The following ALDH3A2 variants were observed in gnomAD, a reference collection of about 807,000 sequenced individuals.
ALDH3A2 encodes aldehyde dehydrogenase 3 family member A2, also known as aldehyde dehydrogenase family 3 member A2.
A neutral mutation model predicts 51.3 loss-of-function variants in ALDH3A2; 36 were observed. The ratio of observed to expected loss-of-function variants is 0.70; its 90% CI spans 0.54 to 0.93. The LOEUF (loss-of-function observed/expected upper bound fraction) is 0.93, where lower values mean the gene tolerates loss of function less well. Among genes scored for constraint, ALDH3A2 ranks in the 40% least tolerant of loss-of-function variants. The probability of loss-of-function intolerance (pLI) is 0.00; values close to 1 mark genes in which losing one functional copy is unlikely to be tolerated. For synonymous variants in ALDH3A2, 199 were observed against 219.8 expected (o/e 0.91, Z 0.84); for missense variants, 552 against 603.1 (o/e 0.92, Z 0.89).
rs141112437 is a variant in ALDH3A2 at position 19,671,925 on chromosome 17, T to C, written c.1412T>C (p.Phe471Ser). The C allele has an allele frequency of 9.7e-5, 156 of 1,614,060 alleles. No individual in the cohort carries two copies. In the Middle Eastern group the frequency reaches 1.6e-3, roughly 17 times the overall value. The change falls in exon 9 of 10, where the codon TTC becomes TCC. Residue 471 changes from phenylalanine (F) to serine (S), a missense_variant. Coordinates refer to ENST00000176643, the MANE Select transcript of ALDH3A2 (RefSeq NM_000382.3). ...KEKLGLLLLT[F>S]LGIVAAVLVK... is the part of the protein sequence containing the mutation. ...AAACTCGGTCTCCTGTTGCTCACTTTCCTGGGTATTGTAGCCGCTGTGCTT... is the reference window on the plus strand; with the variant it reads ...AAACTCGGTCTCCTGTTGCTCACTTCCCTGGGTATTGTAGCCGCTGTGCTT...
Position 19,654,306 on chromosome 17 carries a change from G to A in ALDH3A2, c.471+1674G>A, listed in dbSNP as rs575850268. Among the ~76,000 whole-genome samples, 90 of 152,362 alleles carry A rather than the reference G, an allele frequency of 5.9e-4. No homozygotes were observed. The highest frequency in any genetic ancestry group is 3.4e-3 in the Middle Eastern group (1 of 294). ...GAGCTGCCCATCAGTCCAGCGCTGC[G>A]CGCCTGCACCCCTCAGCCCTTGGGC... On this transcript the variant is annotated intron_variant, in intron 3 of 9. Transcript: ENST00000176643. The surrounding 1 kb of genome is among the most constrained non-coding windows in gnomAD (Gnocchi z 4.5).
intron 8 of ALDH3A2, among the ~76,000 whole-genome samples, chr17:19,669,676 C>A (rs2085085950): frequency 6.6e-6 from 1 of 151,996 alleles, no homozygotes; most frequent in Admixed American, 6.6e-5. Flanking sequence ...ACTCTGTCAC[C>A]CAAGCCAGAG....
At chr17:19,669,585 T>C (rs1157438554) in intron 8 of ALDH3A2, among the ~76,000 whole-genome samples, 3 of 152,182 alleles carry the variant, frequency 2.0e-5, no homozygotes, top group Non-Finnish European at 4.4e-5. Flanking sequence ...TGACATTTAG[T>C]AAGTGCTTAT....
chr17:19,673,338 G>T (rs891338556), intron 9 of ALDH3A2: 7 of 1,508,180 alleles, frequency 4.6e-6, no homozygotes, highest in Non-Finnish European at 6.2e-6. Flanking sequence ...GTTTTCAAGG[G>T]TTTTTTGGTT....
intron 9 of ALDH3A2, chr17:19,674,161 T>C (rs115587787): frequency 0.013 from 1,926 of 152,356 alleles, 22 homozygotes; most frequent in African/African-American, 0.026. Context: ...ATTTAGGGGC[T>C]ACTTTCTTTG....
chr17:19,663,261 G>A, intron 6 of ALDH3A2, 72 bp from the exon 7 acceptor site: 1 of 1,550,744 alleles, frequency 6.4e-7, no homozygotes, highest in Non-Finnish European at 8.9e-7. Flanking sequence ...GTGACCCAAT[G>A]AAAGAGATGT....
At chr17:19,668,310 C>T (rs956104248) in intron 8 of ALDH3A2, among the ~76,000 whole-genome samples, 17 of 152,040 alleles carry the variant, frequency 1.1e-4, no homozygotes, top group African/African-American at 2.7e-4. Flanking sequence ...TGCAATGGCG[C>T]GACCTCGGTT....
intron 8 of ALDH3A2, 53 bp from the exon 9 acceptor site, chr17:19,671,668 G>A (rs1206980124): frequency 3.3e-6 from 5 of 1,495,844 alleles, no homozygotes; most frequent in East Asian, 4.5e-5. Flanking sequence ...TTAGACAGAA[G>A]TAGCTTGCAT....
chr17:19,648,613 C>A, upstream of ALDH3A2: 1 of 323,814 alleles, frequency 3.1e-6, no homozygotes, highest in Non-Finnish European at 5.8e-6. Flanking sequence ...TCGGCTCCCG[C>A]ACTGCTCACT....
rs1417648706 is a variant in ALDH3A2 at position 19,658,325 on chromosome 17, A to G, written c.798+463A>G. ...ACAGTATACCCTTTATATAATTAAC[A>G]ATCTTTCAGCGTGTTTAAAGTAAAT... On this transcript the variant is annotated intron_variant, in intron 5 of 9. Transcript: ENST00000176643. Among the ~76,000 whole-genome samples the G allele has an allele frequency of 3.3e-5, 5 of 152,314 alleles. No homozygotes were observed. In the East Asian group the frequency reaches 9.6e-4, roughly 29 times the overall value.
In ALDH3A2 at chr17:19,654,858, G is replaced by GCTCTCAC. The variant is rs1296685309; in HGVS notation, c.472-1499_472-1493dup. The stretch of plus-strand genomic sequence containing the variant: ...GAGAGCGAGCAAGGGTTGCCCGCAC[G>GCTCTCAC]CTCTCACCTCTCACCCAGCCTATAA... On this transcript the variant is annotated intron_variant, in intron 3 of 9. Coordinates refer to ENST00000176643, the MANE Select transcript of ALDH3A2 (RefSeq NM_000382.3). The surrounding 1 kb of genome is among the most constrained non-coding windows in gnomAD (Gnocchi z 4.5). 6.6e-6 allele frequency among the ~76,000 whole-genome samples: 1 copy of GCTCTCAC among 152,094 alleles called. No homozygotes were observed. Among genetic ancestry groups the GCTCTCAC allele is most frequent in the East Asian group, 1.9e-4 (1 of 5,164 alleles).
chr17:19,652,955 G>A (rs923457670), intron 3 of ALDH3A2, among the ~76,000 whole-genome samples: 1 of 152,076 alleles, frequency 6.6e-6, no homozygotes, highest in Non-Finnish European at 1.5e-5. Flanking sequence ...TTTAATGAGG[G>A]ACTGGTACTG....
intron 3 of ALDH3A2, 163 bp downstream of exon 3, chr17:19,652,795 G>C: frequency 1.5e-6 from 1 of 663,906 alleles, no homozygotes; most frequent in South Asian, 1.7e-5. Flanking sequence ...AAAATACACG[G>C]AGTGTATTTT....
At chr17:19,650,657 G>T (rs1243047877) in intron 1 of ALDH3A2, among the ~76,000 whole-genome samples, 1 of 151,780 alleles carries the variant, frequency 6.6e-6, no homozygotes, top group African/African-American at 2.4e-5. Context: ...GTTTCACTGT[G>T]TTAGCCAGGA....
chr17:19,667,603 A>C (rs1490926457), intron 8 of ALDH3A2, among the ~76,000 whole-genome samples: 1 of 151,914 alleles, frequency 6.6e-6, no homozygotes, highest in Non-Finnish European at 1.5e-5. Context: ...CTGTCACCTA[A>C]GCTGGAGTGC....
chr17:19,665,602 G>C (rs916496504), intron 8 of ALDH3A2, among the ~76,000 whole-genome samples: 4 of 152,140 alleles, frequency 2.6e-5, no homozygotes, highest in African/African-American at 7.2e-5. Context: ...CTGTTCTAGA[G>C]AGGATGGGCA....
intron 9 of ALDH3A2, among the ~76,000 whole-genome samples, 194 bp downstream of exon 9, chr17:19,672,150 C>T (rs1423014909): frequency 6.6e-6 from 1 of 152,178 alleles, no homozygotes; most frequent in Non-Finnish European, 1.5e-5. Context: ...TTTAATCATC[C>T]ACAGCTGCTT....
At chr17:19,656,174 C>T (rs1202418372) in intron 3 of ALDH3A2, 192 bp from the exon 4 acceptor site, 28 of 635,060 alleles carry the variant, frequency 4.4e-5, no homozygotes, top group Middle Eastern at 4.2e-4. Flanking sequence ...TGGGTTCATG[C>T]TTCCCAGATG....
chr17:19,648,659 G>T (rs1012841980), upstream of ALDH3A2: 3 of 447,090 alleles, frequency 6.7e-6, no homozygotes, highest in Non-Finnish European at 1.2e-5. Context: ...CCAGAGCCGG[G>T]GAGAGGGCGG....
Sources: gnomAD v4.1 joint callset for allele counts (sites outside exome capture counted in the v4.1 genomes callset) on GRCh38, gnomAD v4.1.1 for gene constraint, Gnocchi (gnomAD v3.1) non-coding constraint, MANE v1.5 for transcripts, NCBI Gene and HGNC (gene_info 2026-07-23, HGNC 2026-07-21) for gene names.